Variants in CAMK2G observed in about 807,000 individuals in gnomAD.
The protein encoded by CAMK2G is calcium/calmodulin dependent protein kinase II gamma, also known as calcium/calmodulin-dependent protein kinase type II subunit gamma.
In CAMK2G, 23 loss-of-function variants were observed where a neutral mutation model predicts 88.7. The observed-to-expected ratio is 0.26, with a 90% confidence interval of 0.19 to 0.37. CAMK2G has a LOEUF of 0.37. Ranked by LOEUF, CAMK2G falls within the 10% of genes least tolerant of loss-of-function variation. The pLI is 1.00. For synonymous variants in CAMK2G, 263 were observed against 294.8 expected (o/e 0.89, Z 1.11); for missense variants, 476 against 780.8 (o/e 0.61, Z 4.65).
intron 5 of CAMK2G, among the ~76,000 whole-genome samples, chr10:73,849,547 T>C (rs1418511186): frequency 6.6e-6 from 1 of 152,188 alleles, no homozygotes; most frequent in African/African-American, 2.4e-5. Flanking sequence ...CAATGGTTTT[T>C]CTAGGATCAC....
chr10:73,872,262 C>T (rs2095858988), intron 2 of CAMK2G, among the ~76,000 whole-genome samples: 1 of 152,232 alleles, frequency 6.6e-6, no homozygotes. Flanking sequence ...TTGGGAGGAT[C>T]TCGCAAGTGA....
At chr10:73,867,359 G>A (rs2095633029) in intron 2 of CAMK2G, among the ~76,000 whole-genome samples, 1 of 152,248 alleles carries the variant, frequency 6.6e-6, no homozygotes, top group Non-Finnish European at 1.5e-5. Flanking sequence ...CACTCTGGCT[G>A]CTCTCAAGGG....
chr10:73,860,409 C>T (rs189397839), intron 3 of CAMK2G, among the ~76,000 whole-genome samples: 1 of 152,240 alleles, frequency 6.6e-6, no homozygotes, highest in Non-Finnish European at 1.5e-5. Flanking sequence ...CCAGAGTGTG[C>T]AGGACACCGC....
intron 2 of CAMK2G, among the ~76,000 whole-genome samples, chr10:73,869,597 T>C (rs2095736307): frequency 6.6e-6 from 1 of 152,220 alleles, no homozygotes; most frequent in African/African-American, 2.4e-5. Flanking sequence ...TCTTGACCCA[T>C]TCATTTAATG....
At chr10:73,873,603 C>A in intron 1 of CAMK2G, 1 of 857,186 alleles carries the variant, frequency 1.2e-6, no homozygotes, top group East Asian at 1.2e-4. Flanking sequence ...CACTGCATCC[C>A]GGCTCAACTG....
At chr10:73,831,792 G>A (rs901980142) in intron 14 of CAMK2G, among the ~76,000 whole-genome samples, 15 of 151,974 alleles carry the variant, frequency 9.9e-5, no homozygotes, top group Admixed American at 1.3e-4. Context: ...CCCGGGAGGC[G>A]GAGGTTGCAG....
At chr10:73,831,573 T>C (rs1339412117) in intron 14 of CAMK2G, among the ~76,000 whole-genome samples, 2 of 147,904 alleles carry the variant, frequency 1.4e-5, no homozygotes, top group African/African-American at 5.0e-5. Context: ...AGCAATCTTT[T>C]AAGATATCAT....
chr10:73,814,984 C>T lies in CAMK2G; in HGVS notation c.*12+19G>A, dbSNP rs753946065. 3.2e-6 allele frequency: 5 copies of T among 1,541,694 alleles called. No homozygotes were observed. Among genetic ancestry groups the T allele is most frequent in the Admixed American group, 1.7e-5 (1 of 59,526 alleles). On this transcript the variant is annotated intron_variant, in intron 22 of 22. Coordinates refer to ENST00000423381, the MANE Select transcript of CAMK2G (RefSeq NM_001367534.1). ...ATCCCAGGCCCTTCCAGCCCCTCTCCCCCGTCAACCAGGTGCACCTGTGGC... is the reference window on the plus strand; with the variant it reads ...ATCCCAGGCCCTTCCAGCCCCTCTCTCCCGTCAACCAGGTGCACCTGTGGC...
At chr10:73,817,376 C>G in intron 20 of CAMK2G, 103 bp downstream of exon 20, 7 of 930,370 alleles carry the variant, frequency 7.5e-6, no homozygotes, top group Non-Finnish European at 1.2e-5. Flanking sequence ...ATACTTTGCC[C>G]AAGGTCCAAC....
intron 14 of CAMK2G, among the ~76,000 whole-genome samples, chr10:73,834,284 AT>A (rs1230359654): frequency 6.6e-6 from 1 of 152,232 alleles, no homozygotes; most frequent in Non-Finnish European, 1.5e-5. Context: ...AACCCCTCCC[AT>A]CACAACGGCT....
intron 10 of CAMK2G, among the ~76,000 whole-genome samples, chr10:73,843,677 G>A (rs2093993386): frequency 1.3e-5 from 2 of 152,082 alleles, no homozygotes; most frequent in Admixed American, 6.6e-5. Flanking sequence ...CCTGGCACCT[G>A]CAGCCAGGTG....
chr10:73,812,515 T>C lies in CAMK2G; in HGVS notation c.*2003A>G, dbSNP rs2084481579. Reference sequence around the variant, plus strand: ...GTAACACAATGGACTGTTTAAAGGTTATTTTATTAAATATTTTCAGTTCAA... The same window carrying C: ...GTAACACAATGGACTGTTTAAAGGTCATTTTATTAAATATTTTCAGTTCAA... On this transcript the variant is annotated 3_prime_UTR_variant, in exon 23 of 23. Transcript: ENST00000423381. 1 of 152,678 alleles carries C rather than the reference T, an allele frequency of 6.5e-6. No homozygotes were observed. Among genetic ancestry groups the C allele is most frequent in the South Asian group, 2.1e-4 (1 of 4,834 alleles). The allele number at this position is 152,678 out of a possible 1,614,324, so 9.5% of individuals were successfully genotyped here.
chr10:73,867,346 G>A (rs945678725), intron 2 of CAMK2G, among the ~76,000 whole-genome samples: 5 of 152,234 alleles, frequency 3.3e-5, no homozygotes, highest in African/African-American at 1.2e-4. Context: ...CTCTGCCTGG[G>A]GGCACTCTGG....
Position 73,842,403 on chromosome 10 carries a change from A to G in CAMK2G, c.903+55T>C. The G allele has an allele frequency of 7.3e-7, 1 of 1,362,058 alleles. No homozygotes were observed. Among genetic ancestry groups the G allele is most frequent in the East Asian group, 2.3e-5 (1 of 43,734 alleles). 84.4% of individuals were successfully genotyped at this position (1,362,058 alleles called of 1,614,324 possible). A position where few individuals can be genotyped will look rare whatever the true frequency, so the allele number is the denominator to read the frequency against. ...TTCCTTCTGAAATGGGGCAGGAGCC[A>G]CACTGGTGCAAGGCATGATGTCAAG... On this transcript the variant is annotated intron_variant, in intron 11 of 22. Transcript: ENST00000423381. This position sits in a 1 kb window ranked among gnomAD's most constrained non-coding sequence, Gnocchi z 4.6.
rs373612035 is a variant in CAMK2G at position 73,848,711 on chromosome 10, T to C, written c.518-102A>G. ...AGTCCCATCTTATTCCTGCTGCTTTTGCTACATAAACTCTCAGCACATGGG... is the reference window on the plus strand; with the variant it reads ...AGTCCCATCTTATTCCTGCTGCTTTCGCTACATAAACTCTCAGCACATGGG... On this transcript the variant is annotated intron_variant, in intron 7 of 22. Transcript: ENST00000423381. The surrounding 1 kb of genome is among the most constrained non-coding windows in gnomAD (Gnocchi z 4.5). The C allele has an allele frequency of 1.4e-6, 1 of 719,382 alleles. No homozygotes were observed. Among genetic ancestry groups the C allele is most frequent in the African/African-American group, 1.8e-5 (1 of 56,420 alleles). The allele number at this position is 719,382 out of a possible 1,614,324, so 44.6% of individuals were successfully genotyped here.
At chr10:73,822,186 AAAC>A (rs1286165299) in intron 17 of CAMK2G, among the ~76,000 whole-genome samples, 28 of 151,990 alleles carry the variant, frequency 1.8e-4, no homozygotes, top group African/African-American at 6.8e-4. Flanking sequence ...TTCTTTTTTG[AAAC>A]AGAGTTTTGC....
At chr10:73,851,753 G>C (rs868422578) in intron 5 of CAMK2G, among the ~76,000 whole-genome samples, 3 of 144,152 alleles carry the variant, frequency 2.1e-5, no homozygotes, top group African/African-American at 8.4e-5. Flanking sequence ...TTTTTTGTGG[G>C]GGGGGGGAGG....
At chr10:73,828,426 G>A (rs2091680212) in intron 14 of CAMK2G, among the ~76,000 whole-genome samples, 1 of 152,202 alleles carries the variant, frequency 6.6e-6, no homozygotes, top group African/African-American at 2.4e-5. Context: ...ACAAGTCTGT[G>A]AGGTTAAGTA....
intron 19 of CAMK2G, chr10:73,818,564 C>T (rs979685389): frequency 2.5e-5 from 10 of 396,164 alleles, no homozygotes; most frequent in Admixed American, 1.7e-4. Context: ...CACCACGGCC[C>T]AGCCGGGCCA....
Sources: allele counts gnomAD v4.1 joint callset (sites outside exome capture counted in the v4.1 genomes callset), GRCh38; gene constraint gnomAD v4.1.1; non-coding constraint Gnocchi (gnomAD v3.1); transcripts MANE v1.5; gene names NCBI Gene and HGNC (gene_info 2026-07-23, HGNC 2026-07-21).